LRRC47: variants seen among roughly 807,000 people sequenced by gnomAD.
The protein encoded by LRRC47 is leucine-rich repeat-containing protein 47.
A neutral mutation model predicts 40.9 loss-of-function variants in LRRC47; 31 were observed. The ratio of observed to expected loss-of-function variants is 0.76; its 90% CI spans 0.57 to 1.02. LRRC47 has a LOEUF of 1.02. LRRC47 is among the 50% of genes least tolerant of loss of function. The probability of loss-of-function intolerance (pLI) is 0.00; values close to 1 mark genes in which losing one functional copy is unlikely to be tolerated. For synonymous variants in LRRC47, 427 were observed against 371.9 expected, an observed-to-expected ratio of 1.15 and a Z score of -1.70; for missense variants, 726 against 796.1, an observed-to-expected ratio of 0.91 and a Z score of 1.06.
chr1:3,781,512 C>T lies in LRRC47; in HGVS notation c.1503G>A (p.Leu501=), dbSNP rs1643520759. 2 of 1,613,150 alleles carry T rather than the reference C, an allele frequency of 1.2e-6. No homozygotes were observed. Among genetic ancestry groups the T allele is most frequent in the Admixed American group, 1.7e-5 (1 of 59,970 alleles). ...ICKDVMDALI[L]KMAEMKKYTL... Reference sequence around the variant, plus strand: ...TCAGGAGGAGCCACCCCACACTCACCAGAATGAGGGCATCCATGACATCCT... The same window carrying T: ...TCAGGAGGAGCCACCCCACACTCACTAGAATGAGGGCATCCATGACATCCT... Residue 501 remains leucine, a splice_region_variant and synonymous_variant, in exon 6 of 7, where the codon CTG becomes CTA. Transcript: ENST00000378251.
intron 1 of LRRC47, among the ~76,000 whole-genome samples, chr1:3,795,551 C>T (rs948937468): frequency 6.6e-6 from 1 of 152,270 alleles, no homozygotes; most frequent in African/African-American, 2.4e-5. Context: ...TACGCTCGAT[C>T]TACAGGAGAA....
At chr1:3,792,792 A>C (rs1242169901) in intron 1 of LRRC47, among the ~76,000 whole-genome samples, 2 of 152,224 alleles carry the variant, frequency 1.3e-5, no homozygotes, top group African/African-American at 4.8e-5. Flanking sequence ...GACATCTATG[A>C]ATTTGAAGAG....
In LRRC47 at chr1:3,785,174, C is replaced by G. The variant is rs1292802154; in HGVS notation, c.1107G>C (p.Lys369Asn). ...QTKLHEDLCEKRTAATLATHE... is the reference protein window; with the variant it reads ...QTKLHEDLCENRTAATLATHE... ...GGGTGGCAAGGGTGGCAGCCGTCCTCTTCTCACAGAGATCTTCGTGGAGCT... is the reference window on the plus strand; with the variant it reads ...GGGTGGCAAGGGTGGCAGCCGTCCTGTTCTCACAGAGATCTTCGTGGAGCT... The change falls in exon 3 of 7, where the codon AAG (lysine) becomes AAC (asparagine). Residue 369 changes from lysine (K) to asparagine (N), a missense_variant. Lys to Asn is a moderately conservative substitution (Grantham distance 94, BLOSUM62 0). Coordinates refer to ENST00000378251, the MANE Select transcript of LRRC47 (RefSeq NM_020710.3). 3 of 1,590,696 alleles carry G rather than the reference C, an allele frequency of 1.9e-6. No individual in the cohort carries two copies. The highest frequency in any genetic ancestry group is 2.6e-6 in the Non-Finnish European group (3 of 1,169,630).
At chr1:3,795,826 G>A (rs1400310259) in intron 1 of LRRC47, 36 bp downstream of exon 1, 4 of 1,524,880 alleles carry the variant, frequency 2.6e-6, no homozygotes, top group African/African-American at 2.8e-5. Flanking sequence ...CTACTCCAAG[G>A]CCCCATCCCG....
At chr1:3,784,318 AAC>A (rs1643550124) in intron 3 of LRRC47, 1 of 563,440 alleles carries the variant, frequency 1.8e-6, no homozygotes. Context: ...CTGACGCCCA[AAC>A]ACACCGATCC....
In LRRC47 at chr1:3,782,647, A is replaced by C. The variant is rs753638852; in HGVS notation, c.1413+14T>G. 3 of 1,460,966 alleles carry C rather than the reference A, an allele frequency of 2.1e-6. No individual in the cohort carries two copies. The South Asian group carries it at 3.4e-5, about 17-fold the overall frequency. 90.5% of individuals were successfully genotyped at this position (1,460,966 alleles called of 1,614,324 possible). ...CCTAGAAGACACACCATGTTCACAC[A>C]CATGCCACCCTACCTTTGTCTTCTC... is the stretch of plus-strand genomic sequence containing the variant. On this transcript the variant is annotated intron_variant, in intron 5 of 6. Transcript: ENST00000378251.
rs1241126882 is a variant in LRRC47 at position 3,796,258 on chromosome 1, G to A, written c.219C>T (p.Gly73=). Residue 73 remains glycine (G), a synonymous_variant, in exon 1 of 7, where the codon GGC becomes GGT. Coordinates refer to ENST00000378251, the MANE Select transcript of LRRC47 (RefSeq NM_020710.3). ...GCACGAGGCTGTGCAGCTGCGGCAG[G>A]CCCTGCGCCAGGCCAGGCCCCGGCG... ...LRAPGPGLAQ[G]LPQLHSLVLR... 3 of 1,465,440 alleles carry A rather than the reference G, an allele frequency of 2.0e-6. No homozygotes were observed. The Admixed American group carries it at 7.6e-5, about 37-fold the overall frequency. 90.8% of individuals were successfully genotyped at this position (1,465,440 alleles called of 1,614,324 possible). A position where few individuals can be genotyped will look rare whatever the true frequency, so the allele number is the denominator to read the frequency against.
At chr1:3,794,926 C>T (rs1338571188) in intron 1 of LRRC47, among the ~76,000 whole-genome samples, 9 of 151,336 alleles carry the variant, frequency 5.9e-5, no homozygotes, top group Non-Finnish European at 1.3e-4. Flanking sequence ...TGGTGGTGTG[C>T]GCCTGTAAGC....
Position 3,781,005 on chromosome 1 carries a change from G to A in LRRC47, c.*83C>T. 6.5e-7 allele frequency: 1 copy of A among 1,537,690 alleles called. No homozygotes were observed. Among genetic ancestry groups the A allele is most frequent in the South Asian group, 1.2e-5 (1 of 80,662 alleles). On this transcript the variant is annotated 3_prime_UTR_variant, in exon 7 of 7. Transcript: ENST00000378251. The stretch of plus-strand genomic sequence containing the variant: ...AAAAAACCAACAAAAAAACTGGGGT[G>A]AAAATCTAACGGATAATTCAGCATT...
chr1:3,787,117 C>A lies in LRRC47; in HGVS notation c.809G>T (p.Gly270Val). The change falls in exon 2 of 7, where the codon GGC (glycine) becomes GTC (valine). Residue 270 changes from glycine to valine, a missense_variant. Transcript: ENST00000378251. ...VGGRGGGKGK[G>V]RAEGSEKEES... ...TTCCTTCTCCGAGCCCTCGGCACGGCCCTTGCCCTTCCCGCCACCACGGCC... is the reference window on the plus strand; with the variant it reads ...TTCCTTCTCCGAGCCCTCGGCACGGACCTTGCCCTTCCCGCCACCACGGCC... The A allele has an allele frequency of 6.2e-7, 1 of 1,613,776 alleles. No homozygotes were observed. Among genetic ancestry groups the A allele is most frequent in the Non-Finnish European group, 8.5e-7 (1 of 1,180,002 alleles).
chr1:3,789,387 A>G (rs1274108916), intron 1 of LRRC47, among the ~76,000 whole-genome samples: 1 of 152,266 alleles, frequency 6.6e-6, no homozygotes, highest in Non-Finnish European at 1.5e-5. Flanking sequence ...AAAGCTTGAG[A>G]GTTCCCCTCA....
intron 3 of LRRC47, 92 bp downstream of exon 3, chr1:3,784,995 A>C: frequency 2.7e-6 from 2 of 753,944 alleles, no homozygotes; most frequent in Non-Finnish European, 3.8e-6. Flanking sequence ...TCCATCTCCA[A>C]AAAAAAAAAA....
At chr1:3,784,152 C>T (rs372376497) in intron 3 of LRRC47, 41 bp from the exon 4 acceptor site, 51 of 1,535,058 alleles carry the variant, frequency 3.3e-5, no homozygotes, top group Non-Finnish European at 4.4e-5. Flanking sequence ...GGGTCACAGC[C>T]ACAGAACTCG....
chr1:3,790,275 G>A (rs1643614439), intron 1 of LRRC47, among the ~76,000 whole-genome samples: 1 of 152,154 alleles, frequency 6.6e-6, no homozygotes, highest in Non-Finnish European at 1.5e-5. Flanking sequence ...CACTCCCTCC[G>A]GCAGCAACTG....
chr1:3,784,604 G>A (rs907716233), intron 3 of LRRC47, among the ~76,000 whole-genome samples: 7 of 152,212 alleles, frequency 4.6e-5, no homozygotes, highest in Admixed American at 3.3e-4. Flanking sequence ...CTCATCCGCC[G>A]AGTCCTCTCA....
chr1:3,785,757 G>A (rs1393079700), intron 2 of LRRC47, among the ~76,000 whole-genome samples: 2 of 152,202 alleles, frequency 1.3e-5, no homozygotes, highest in Non-Finnish European at 2.9e-5. Flanking sequence ...ACAGAAGAAT[G>A]TGCTGGCAAG....
intron 2 of LRRC47, 149 bp downstream of exon 2, chr1:3,786,700 G>T: frequency 2.7e-6 from 2 of 754,420 alleles, no homozygotes; most frequent in Non-Finnish European, 4.2e-6. Flanking sequence ...TTCCCTTTTT[G>T]GAGCTGAGGA....
intron 5 of LRRC47, among the ~76,000 whole-genome samples, chr1:3,782,413 G>C (rs1032496540): frequency 6.6e-6 from 1 of 152,100 alleles, no homozygotes; most frequent in Non-Finnish European, 1.5e-5. Flanking sequence ...TCCTGCCTCA[G>C]CCTCCCGAGT....
rs1288869309 is a variant in LRRC47 at position 3,778,605 on chromosome 1, T to A, written c.*2483A>T. 1 of 153,226 alleles carries A rather than the reference T, an allele frequency of 6.5e-6. No individual in the cohort carries two copies. The highest frequency in any genetic ancestry group is 1.5e-5 in the Non-Finnish European group (1 of 68,136). 9.5% of individuals were successfully genotyped at this position (153,226 alleles called of 1,614,324 possible). Reference sequence around the variant, plus strand: ...TAGTGAGTCGGGGGGTGGGGTGGGGTGAAGAAAACATCAGAGACACCTGTG... The same window carrying A: ...TAGTGAGTCGGGGGGTGGGGTGGGGAGAAGAAAACATCAGAGACACCTGTG... On this transcript the variant is annotated 3_prime_UTR_variant, in exon 7 of 7. Transcript: ENST00000378251.
Sources: allele counts gnomAD v4.1 joint callset (sites outside exome capture counted in the v4.1 genomes callset), GRCh38; gene constraint gnomAD v4.1.1; transcripts MANE v1.5; gene names NCBI Gene and HGNC (gene_info 2026-07-23, HGNC 2026-07-21).